Variants in EYS observed in about 807,000 individuals in gnomAD.
The protein encoded by EYS is EGF-like photoreceptor maintenance factor, also known as protein eyes shut homolog.
A neutral mutation model predicts 282.1 loss-of-function variants in EYS; 250 were observed. The ratio of observed to expected loss-of-function variants is 0.89; its 90% CI spans 0.80 to 0.98. The LOEUF (loss-of-function observed/expected upper bound fraction) is 0.98, where lower values mean the gene tolerates loss of function less well. Ranked by LOEUF, EYS falls within the 50% of genes least tolerant of loss-of-function variation. EYS has a pLI of 0.00. For synonymous variants in EYS, 1,355 were observed against 1,282.9 expected, an observed-to-expected ratio of 1.06 and a Z score of -1.20; for missense variants, 4,016 against 3,709.0, an observed-to-expected ratio of 1.08 and a Z score of -2.15.
chr6:64,009,692 C>A (rs1768516103), intron 33 of EYS, among the ~76,000 whole-genome samples: 1 of 152,108 alleles, frequency 6.6e-6, no homozygotes, highest in African/African-American at 2.4e-5. Flanking sequence ...TCTTGATGAT[C>A]TTTGTTCCTA....
chr6:64,643,120 C>CT (rs111720573), intron 22 of EYS, among the ~76,000 whole-genome samples: 2 of 49,284 alleles, frequency 4.1e-5, no homozygotes, highest in Non-Finnish European at 8.1e-5. Flanking sequence ...CATCCCCCCC[C>CT]CCAAAAAAAA....
chr6:64,023,223 T>C (rs1373787289), intron 33 of EYS, among the ~76,000 whole-genome samples: 1 of 152,260 alleles, frequency 6.6e-6, no homozygotes. Context: ...CATTTCATTG[T>C]ATGCATATAG....
intron 22 of EYS, among the ~76,000 whole-genome samples, chr6:64,706,164 C>A (rs934030842): frequency 1.2e-4 from 18 of 151,924 alleles, no homozygotes; most frequent in African/African-American, 4.4e-4. Flanking sequence ...AGAAATAAAG[C>A]CAAATACTTA....
chr6:64,342,932 A>G (rs1449270539), intron 29 of EYS, among the ~76,000 whole-genome samples: 1 of 152,046 alleles, frequency 6.6e-6, no homozygotes, highest in Non-Finnish European at 1.5e-5. Context: ...CAGACTTTAA[A>G]CCAACAAACA....
chr6:63,998,948 T>C (rs1249693215), intron 34 of EYS, 127 bp downstream of exon 34: 6 of 615,608 alleles, frequency 9.7e-6, no homozygotes, highest in Non-Finnish European at 1.4e-5. Flanking sequence ...TCTGGTGCTT[T>C]GTTGAGAGTT....
chr6:64,162,444 G>C (rs1341264081), intron 31 of EYS, among the ~76,000 whole-genome samples: 3 of 152,046 alleles, frequency 2.0e-5, no homozygotes. Context: ...CTCCATCAAG[G>C]CTCACCTGGA....
chr6:64,584,546 C>T (rs998042554), intron 26 of EYS, among the ~76,000 whole-genome samples: 1 of 151,862 alleles, frequency 6.6e-6, no homozygotes, highest in African/African-American at 2.4e-5. Context: ...TCCACTGTGA[C>T]TTTCCTAATT....
intron 1 of EYS, among the ~76,000 whole-genome samples, chr6:65,689,507 TA>T (rs1424174268): frequency 1.3e-5 from 2 of 149,882 alleles, no homozygotes; most frequent in Non-Finnish European, 3.0e-5. Context: ...ACATGTACCC[TA>T]AAACTTAAAG....
chr6:64,036,002 A>G (rs1770103557), intron 33 of EYS, among the ~76,000 whole-genome samples: 1 of 152,198 alleles, frequency 6.6e-6, no homozygotes, highest in Non-Finnish European at 1.5e-5. Flanking sequence ...GTAGTGCTGT[A>G]TGACTGAAAA....
chr6:65,098,740 T>A (rs1774808390), intron 12 of EYS, among the ~76,000 whole-genome samples: 1 of 150,776 alleles, frequency 6.6e-6, no homozygotes, highest in African/African-American at 2.4e-5. Flanking sequence ...AAATTTTAAT[T>A]TCATCCATAT....
chr6:63,781,774 T>G (rs1770235058), intron 39 of EYS, among the ~76,000 whole-genome samples: 2 of 152,196 alleles, frequency 1.3e-5, no homozygotes, highest in African/African-American at 4.8e-5. Context: ...TAGCCAGAAC[T>G]TCCAACAGTA....
chr6:64,568,992 G>C (rs910157215), intron 26 of EYS, among the ~76,000 whole-genome samples: 4 of 103,958 alleles, frequency 3.8e-5, no homozygotes, highest in Non-Finnish European at 5.6e-5. Context: ...CAGCATCAAA[G>C]ACTAAGGGTA....
At chr6:63,953,495 C>A (rs1562113848) in intron 35 of EYS, among the ~76,000 whole-genome samples, 1 of 152,130 alleles carries the variant, frequency 6.6e-6, no homozygotes, top group Non-Finnish European at 1.5e-5. Context: ...TTCATAAAAA[C>A]AAATGTGCTC....
chr6:65,068,848 G>A (rs960604828), intron 12 of EYS, among the ~76,000 whole-genome samples: 2 of 152,024 alleles, frequency 1.3e-5, no homozygotes, highest in Non-Finnish European at 2.9e-5. Context: ...ATGCTCTGCA[G>A]TATCTGTTAA....
At chr6:65,195,952 C>T (rs191610689) in intron 12 of EYS, among the ~76,000 whole-genome samples, 1 of 152,014 alleles carries the variant, frequency 6.6e-6, no homozygotes, top group East Asian at 1.9e-4. Context: ...GAATATCAAC[C>T]AGCCAGTCAT....
intron 24 of EYS, among the ~76,000 whole-genome samples, chr6:64,605,090 C>T (rs1010601785): frequency 1.3e-5 from 2 of 151,964 alleles, no homozygotes; most frequent in African/African-American, 4.8e-5. Flanking sequence ...ACAATATCAC[C>T]AGCTATTTCT....
chr6:64,867,254 A>T (rs1455661423), intron 19 of EYS, among the ~76,000 whole-genome samples: 1 of 151,716 alleles, frequency 6.6e-6, no homozygotes, highest in East Asian at 1.9e-4. Flanking sequence ...AGTTTTCTAC[A>T]GATGAATTAT....
intron 30 of EYS, among the ~76,000 whole-genome samples, chr6:64,293,107 C>A (rs1768775300): frequency 6.6e-6 from 1 of 151,980 alleles, no homozygotes; most frequent in Non-Finnish European, 1.5e-5. Context: ...CTTAAATTCC[C>A]TTGTGAAATG....
Position 65,121,065 on chromosome 6 carries a change from C to T in EYS, c.2024-63338G>A, listed in dbSNP as rs999304349. 4.0e-5 allele frequency among the ~76,000 whole-genome samples: 6 copies of T among 151,874 alleles called. No individual in the cohort carries two copies. The South Asian group carries it at 1.3e-3, about 32-fold the overall frequency. On this transcript the variant is annotated intron_variant, in intron 12 of 42. Transcript: ENST00000503581. ...TTCATTATGTCCCTGAGCATTTTGACTCTACTACTTTCTCAGAAGGGCCCT... is the reference window on the plus strand; with the variant it reads ...TTCATTATGTCCCTGAGCATTTTGATTCTACTACTTTCTCAGAAGGGCCCT...
Sources: gnomAD v4.1 joint callset for allele counts (sites outside exome capture counted in the v4.1 genomes callset) on GRCh38, gnomAD v4.1.1 for gene constraint, MANE v1.5 for transcripts, NCBI Gene and HGNC (gene_info 2026-07-23, HGNC 2026-07-21) for gene names.